Variants in GAPVD1 observed in about 807,000 individuals in gnomAD.
GAPVD1 encodes GTPase activating protein and VPS9 domains 1.
Under a neutral mutation model 155.5 loss-of-function variants are expected in GAPVD1, and 35 were observed. The ratio of observed to expected loss-of-function variants is 0.23; its 90% confidence interval spans 0.17 to 0.30. The LOEUF is 0.30. Ranked by LOEUF, GAPVD1 falls within the 10% of genes least tolerant of loss-of-function variation. GAPVD1 has a pLI of 1.00. For missense variants in GAPVD1, 1,429 were observed against 1,775.7 expected (o/e 0.80, Z 3.51); for synonymous variants, 636 against 619.7 (o/e 1.03, Z -0.39).
At chr9:125,343,590 G>A (rs1252111014) in intron 19 of GAPVD1, among the ~76,000 whole-genome samples, 1 of 152,124 alleles carries the variant, frequency 6.6e-6, no homozygotes, top group Admixed American at 6.6e-5. Flanking sequence ...AGAATAAAGG[G>A]TTTTGAACAG....
At chr9:125,336,039 G>T (rs1212100366) in intron 15 of GAPVD1, among the ~76,000 whole-genome samples, 2 of 151,542 alleles carry the variant, frequency 1.3e-5, no homozygotes, top group Admixed American at 6.6e-5. Flanking sequence ...CAGCTATTTG[G>T]GAGGCTAAGG....
chr9:125,318,273 C>T (rs1379291610), intron 9 of GAPVD1, among the ~76,000 whole-genome samples: 1 of 152,220 alleles, frequency 6.6e-6, no homozygotes, highest in African/African-American at 2.4e-5. Flanking sequence ...AGGCGTGAGC[C>T]ACTGTGGCCA....
chr9:125,343,484 A>G (rs1440413665), intron 19 of GAPVD1, among the ~76,000 whole-genome samples: 1 of 152,228 alleles, frequency 6.6e-6, no homozygotes, highest in Non-Finnish European at 1.5e-5. Flanking sequence ...ATCCCATTTT[A>G]ATGCCTATTA....
chr9:125,293,845 ATATATTT>A (rs1157992373), intron 2 of GAPVD1, among the ~76,000 whole-genome samples: 5 of 51,122 alleles, frequency 9.8e-5, no homozygotes, highest in Non-Finnish European at 1.6e-4. Context: ...ATATATAAAA[ATATATTT>A]TATATATATA....
chr9:125,332,982 A>C (rs1270082009), intron 15 of GAPVD1, among the ~76,000 whole-genome samples: 1 of 152,266 alleles, frequency 6.6e-6, no homozygotes, highest in East Asian at 1.9e-4. Flanking sequence ...GCTATTTTAA[A>C]ATGCATTAAG....
Position 125,360,638 on chromosome 9 carries a change from G to C in GAPVD1, c.4155G>C (p.Thr1385=). The change falls in exon 27 of 28, where the codon ACG becomes ACC. Residue 1385 remains threonine (T), a synonymous_variant. Coordinates refer to ENST00000297933, the MANE Select transcript of GAPVD1 (RefSeq NM_001282680.3). ...AGTGCATCCTGAGAATGTGCTCTAC[G>C]ATTATGAACCTCCTGAGCCTGGCCA... ...KVQCILRMCS[T]IMNLLSLANE... is the part of the protein sequence containing the mutation. 1 of 1,613,950 alleles carries C rather than the reference G, an allele frequency of 6.2e-7. No homozygotes were observed. The highest frequency in any genetic ancestry group is 1.7e-5 in the Admixed American group (1 of 60,014).
intron 24 of GAPVD1, 83 bp from the exon 25 acceptor site, chr9:125,355,560 TA>T: frequency 1.1e-6 from 1 of 901,020 alleles, no homozygotes; most frequent in Non-Finnish European, 1.7e-6. Context: ...AGCTAGTGAT[TA>T]AAATTATTTC....
In GAPVD1 at chr9:125,355,661, G is replaced by A. The variant is rs1420701716; in HGVS notation, c.3775G>A (p.Ala1259Thr). 3.1e-6 allele frequency: 5 copies of A among 1,609,250 alleles called. No individual in the cohort carries two copies. The highest frequency in any genetic ancestry group is 1.1e-5 in the South Asian group (1 of 90,898). ...CTTTGGAGACTTTCAGAAACTCACC[G>A]CAGCTGACGATAAAACTGCTCAGGT... ...EFIQDFQKLT[A>T]ADDKTAQVED... The change falls in exon 25 of 28, where the codon GCA (alanine) becomes ACA (threonine). Residue 1259 changes from alanine to threonine, a missense_variant. Transcript: ENST00000297933.
chr9:125,283,155 G>T (rs559327821), intron 2 of GAPVD1, among the ~76,000 whole-genome samples: 1 of 151,438 alleles, frequency 6.6e-6, no homozygotes, highest in African/African-American at 2.4e-5. Context: ...CGCCTCCCAG[G>T]TTCAAGCAAT....
intron 9 of GAPVD1, among the ~76,000 whole-genome samples, chr9:125,316,847 C>T (rs960127539): frequency 5.3e-5 from 8 of 152,192 alleles, no homozygotes; most frequent in Non-Finnish European, 8.8e-5. Context: ...AACTAATTTA[C>T]ACTCCCACCA....
intron 15 of GAPVD1, chr9:125,335,131 CAT>C (rs1256079277): frequency 2.7e-6 from 2 of 734,518 alleles, no homozygotes; most frequent in East Asian, 2.5e-5. Flanking sequence ...AGGCTACTAA[CAT>C]ATTGTTCCTT....
intron 15 of GAPVD1, 139 bp from the exon 16 acceptor site, chr9:125,336,879 T>G (rs1375539680): frequency 2.4e-5 from 13 of 537,632 alleles, no homozygotes; most frequent in Admixed American, 1.0e-4. Context: ...CATAATTTGA[T>G]TTTTTTTTTC....
intron 9 of GAPVD1, among the ~76,000 whole-genome samples, chr9:125,319,267 A>T (rs1025182084): frequency 2.6e-5 from 4 of 151,884 alleles, no homozygotes; most frequent in African/African-American, 9.7e-5. Context: ...CCAGCTACTC[A>T]GGAGGCTAAA....
rs141481554 is a variant in GAPVD1 at position 125,338,395 on chromosome 9, C to A, written c.2877+804C>A. 5.0e-4 allele frequency among the ~76,000 whole-genome samples: 76 copies of A among 152,290 alleles called. 1 individual carries two copies. In the East Asian group the frequency reaches 0.014, roughly 29 times the overall value. Reference sequence around the variant, plus strand: ...AACATTGATACATTACTACCAGTTACTTATCACACCCCATTCATGTGTCCC... The same window carrying A: ...AACATTGATACATTACTACCAGTTAATTATCACACCCCATTCATGTGTCCC... On this transcript the variant is annotated intron_variant, in intron 17 of 27. Transcript: ENST00000297933.
At chr9:125,272,796 A>C (rs1835128309) in intron 2 of GAPVD1, among the ~76,000 whole-genome samples, 1 of 152,168 alleles carries the variant, frequency 6.6e-6, no homozygotes, top group Non-Finnish European at 1.5e-5. Context: ...CACTCTGGTA[A>C]ATGTGATGAA....
intron 1 of GAPVD1, among the ~76,000 whole-genome samples, chr9:125,267,880 C>T (rs996143108): frequency 2.6e-5 from 4 of 151,968 alleles, no homozygotes; most frequent in Admixed American, 6.6e-5. Context: ...AAACTTTATT[C>T]GGCCAGGCAC....
chr9:125,331,815 G>A, intron 13 of GAPVD1, 111 bp from the exon 14 acceptor site: 2 of 894,798 alleles, frequency 2.2e-6, no homozygotes, highest in Non-Finnish European at 3.6e-6. Flanking sequence ...ACATGTATTT[G>A]CACTGATTTT....
At chr9:125,331,092 C>T (rs902869170) in intron 13 of GAPVD1, among the ~76,000 whole-genome samples, 1 of 151,752 alleles carries the variant, frequency 6.6e-6, no homozygotes, top group African/African-American at 2.4e-5. Context: ...TCTTTGCTTT[C>T]AACTAAATGT....
intron 6 of GAPVD1, among the ~76,000 whole-genome samples, chr9:125,306,589 C>T (rs1426991957): frequency 1.3e-5 from 2 of 152,000 alleles, no homozygotes; most frequent in South Asian, 2.1e-4. Context: ...ACCTCCCTGG[C>T]GCAAGCAGTC....
Sources: allele counts gnomAD v4.1 joint callset (sites outside exome capture counted in the v4.1 genomes callset), GRCh38; gene constraint gnomAD v4.1.1; transcripts MANE v1.5; gene names NCBI Gene and HGNC (gene_info 2026-07-23, HGNC 2026-07-21).